Variants in LTBP1 observed in about 807,000 individuals in gnomAD.
LTBP1 encodes latent transforming growth factor beta binding protein 1, also known as latent-transforming growth factor beta-binding protein 1.
A neutral mutation model predicts 207.6 loss-of-function variants in LTBP1; 129 were observed. That is an observed-to-expected ratio of 0.62 (90% CI 0.54 to 0.72). The LOEUF is 0.72. Among genes scored for constraint, LTBP1 ranks in the 30% least tolerant of loss-of-function variants. The probability of loss-of-function intolerance (pLI) is 0.00; values close to 1 mark genes in which losing one functional copy is unlikely to be tolerated. For missense variants in LTBP1, 2,281 were observed against 2,217.2 expected, an observed-to-expected ratio of 1.03 and a Z score of -0.58; for synonymous variants, 963 against 833.7, an observed-to-expected ratio of 1.16 and a Z score of -2.67.
chr2:33,186,223 T>C (rs531764365), intron 5 of LTBP1, among the ~76,000 whole-genome samples: 5 of 152,332 alleles, frequency 3.3e-5, no homozygotes, highest in East Asian at 1.9e-4. Context: ...TTTTTATTAC[T>C]GATTTGTTTC....
At chr2:33,086,737 A>T (rs945014667) in intron 3 of LTBP1, among the ~76,000 whole-genome samples, 2 of 151,972 alleles carry the variant, frequency 1.3e-5, no homozygotes, top group South Asian at 4.2e-4. Flanking sequence ...TTTGTTGGCA[A>T]GTTTTAATTC....
At chr2:33,151,135 T>A (rs558061860) in intron 5 of LTBP1, among the ~76,000 whole-genome samples, 3 of 152,224 alleles carry the variant, frequency 2.0e-5, no homozygotes, top group Middle Eastern at 3.2e-3. Flanking sequence ...ACCTTTTGTT[T>A]ATGCATTCAT....
intron 2 of LTBP1, among the ~76,000 whole-genome samples, chr2:32,990,501 G>A (rs1046533595): frequency 1.3e-5 from 2 of 152,112 alleles, no homozygotes; most frequent in Non-Finnish European, 2.9e-5. Flanking sequence ...TCAGACTGTT[G>A]GGTTGGAGTC....
chr2:33,300,265 T>G (rs1008639450), intron 20 of LTBP1, among the ~76,000 whole-genome samples, 186 bp from the exon 21 acceptor site: 17 of 152,230 alleles, frequency 1.1e-4, no homozygotes, highest in African/African-American at 3.9e-4. Context: ...TTATTTCTAT[T>G]CTATAGATCA....
At chr2:33,292,414 T>C (rs1322123541) in intron 19 of LTBP1, among the ~76,000 whole-genome samples, 4 of 152,216 alleles carry the variant, frequency 2.6e-5, no homozygotes, top group African/African-American at 7.2e-5. Flanking sequence ...CCATTTTCTA[T>C]GTGGCGTTGG....
At chr2:33,397,761 A>G (rs1474769153) in intron 33 of LTBP1, among the ~76,000 whole-genome samples, 1 of 148,052 alleles carries the variant, frequency 6.8e-6, no homozygotes, top group African/African-American at 2.5e-5. Context: ...TGACCTCGTG[A>G]TCCGCCCACC....
intron 31 of LTBP1, among the ~76,000 whole-genome samples, chr2:33,371,360 T>C (rs2095065221): frequency 6.6e-6 from 1 of 152,168 alleles, no homozygotes; most frequent in Non-Finnish European, 1.5e-5. Context: ...TCCTGCCCAC[T>C]CTTAAAATGA....
At chr2:32,949,481 G>T (rs986240782) in intron 2 of LTBP1, among the ~76,000 whole-genome samples, 1 of 152,202 alleles carries the variant, frequency 6.6e-6, no homozygotes, top group African/African-American at 2.4e-5. Flanking sequence ...GATGGATGGG[G>T]TTCTCTGCAG....
chr2:33,089,535 A>T (rs2078959948), intron 3 of LTBP1, among the ~76,000 whole-genome samples: 1 of 152,222 alleles, frequency 6.6e-6, no homozygotes, highest in Non-Finnish European at 1.5e-5. Flanking sequence ...AGCCCCCTAC[A>T]ACAGAGAATT....
rs1380456025 is a variant in LTBP1, at chr2:33,225,130, T to A, written c.1876+2979T>A. On this transcript the variant is annotated intron_variant, in intron 9 of 33. Coordinates refer to ENST00000404816, the MANE Select transcript of LTBP1 (RefSeq NM_206943.4). ...AAGTTTTAAAAAAATTTCCTTTTATTTTTTATCAGCATATAATAATTGTAC... is the reference window on the plus strand; with the variant it reads ...AAGTTTTAAAAAAATTTCCTTTTATATTTTATCAGCATATAATAATTGTAC... Among the ~76,000 whole-genome samples the A allele has an allele frequency of 2.4e-4, 37 of 152,180 alleles. 1 individual carries two copies. Among genetic ancestry groups the A allele is most frequent in the Admixed American group, 2.2e-3 (33 of 15,266 alleles).
At chr2:33,117,752 G>T (rs373122215) in intron 4 of LTBP1, among the ~76,000 whole-genome samples, 1 of 152,166 alleles carries the variant, frequency 6.6e-6, no homozygotes, top group Non-Finnish European at 1.5e-5. Context: ...TGCTGCAAAA[G>T]ACGGGAAAAT....
At chr2:33,083,361 G>C (rs1439650453) in intron 3 of LTBP1, among the ~76,000 whole-genome samples, 1 of 152,092 alleles carries the variant, frequency 6.6e-6, no homozygotes, top group Non-Finnish European at 1.5e-5. Context: ...CTCAAAAAAT[G>C]TGTCCTCCAC....
At chr2:33,389,130 G>T in intron 31 of LTBP1, 54 bp from the exon 32 acceptor site, 2 of 1,610,572 alleles carry the variant, frequency 1.2e-6, no homozygotes, top group South Asian at 2.2e-5. Flanking sequence ...CGAGGGGGTG[G>T]GGCAGGTGCG....
chr2:32,958,247 C>T (rs72789867), intron 2 of LTBP1, among the ~76,000 whole-genome samples: 16,150 of 152,222 alleles, frequency 0.11, 1,088 homozygotes, highest in Middle Eastern at 0.16. Flanking sequence ...CATCCAGGGG[C>T]TTGCTACGGG....
chr2:33,099,879 C>G (rs2079618315), intron 3 of LTBP1, among the ~76,000 whole-genome samples: 1 of 152,168 alleles, frequency 6.6e-6, no homozygotes, highest in African/African-American at 2.4e-5. Flanking sequence ...GACATCTTCC[C>G]ACTACCTTTT....
chr2:33,001,354 C>T (rs1686040742), intron 2 of LTBP1, among the ~76,000 whole-genome samples: 2 of 135,192 alleles, frequency 1.5e-5, no homozygotes, highest in Non-Finnish European at 3.3e-5. Context: ...AGCCCCAAAC[C>T]CAGAGTTTCT....
chr2:33,202,369 A>G (rs899739552), intron 7 of LTBP1, among the ~76,000 whole-genome samples: 1 of 152,120 alleles, frequency 6.6e-6, no homozygotes. Context: ...TGCAGATGAG[A>G]TGGGCACTTT....
chr2:33,178,315 C>A (rs2086270578), intron 5 of LTBP1, among the ~76,000 whole-genome samples: 1 of 152,098 alleles, frequency 6.6e-6, no homozygotes, highest in African/African-American at 2.4e-5. Flanking sequence ...ATATATGGAG[C>A]TCCTTAGGTT....
In LTBP1 at chr2:33,150,710, C is replaced by CTTTTTTTTTTT. The variant is rs1176008947; in HGVS notation, c.1201+15766_1201+15776dup. 1.9e-3 allele frequency among the ~76,000 whole-genome samples: 129 copies of CTTTTTTTTTTT among 69,306 alleles called. 1 individual carries two copies. Among genetic ancestry groups the CTTTTTTTTTTT allele is most frequent in the Non-Finnish European group, 2.0e-3 (78 of 38,848 alleles). 45.5% of individuals were successfully genotyped at this position (69,306 alleles called of 152,430 possible). The stretch of plus-strand genomic sequence containing the variant: ...CTTTTCTTTTTTCTTTTTTCTTTTT[C>CTTTTTTTTTTT]TTTTTTTTTTTTTTTTTTTTTTTTT... On this transcript the variant is annotated intron_variant, in intron 5 of 33. Transcript: ENST00000404816.
Sources: allele counts gnomAD v4.1 joint callset (sites outside exome capture counted in the v4.1 genomes callset), GRCh38; gene constraint gnomAD v4.1.1; transcripts MANE v1.5; gene names NCBI Gene and HGNC (gene_info 2026-07-23, HGNC 2026-07-21).